CELF2: variants seen among roughly 807,000 people sequenced by gnomAD.
The protein encoded by CELF2 is CUGBP Elav-like family member 2.
A neutral mutation model predicts 62.6 loss-of-function variants in CELF2; 8 were observed. That is an observed-to-expected ratio of 0.13 (90% CI 0.07 to 0.23). The LOEUF (loss-of-function observed/expected upper bound fraction) is 0.23, where lower values mean the gene tolerates loss of function less well. CELF2 is among the 10% of genes least tolerant of loss of function. The pLI, the probability that CELF2 is intolerant of heterozygous loss-of-function variation, is 1.00. For synonymous variants in CELF2, 258 were observed against 250.0 expected (o/e 1.03, Z -0.30); for missense variants, 333 against 671.0 (o/e 0.50, Z 5.56).
At chr10:11,188,262 C>G (rs1003062920) in intron 2 of CELF2, among the ~76,000 whole-genome samples, 4 of 152,188 alleles carry the variant, frequency 2.6e-5, no homozygotes, top group Non-Finnish European at 4.4e-5. Context: ...TGTGCCACCA[C>G]ACCTGGCTAA....
the CELF2 span, among the ~76,000 whole-genome samples, chr10:10,517,257 G>T: frequency 6.6e-6 from 1 of 152,118 alleles, no homozygotes; most frequent in Non-Finnish European, 1.5e-5. Context: ...GGCTTCCCAG[G>T]CTGAGGGGGA....
rs1473676925 is a variant in CELF2, at chr10:11,220,728, T to A, written c.354+3221T>A. Among the ~76,000 whole-genome samples, 1 of 152,004 alleles carries A rather than the reference T, an allele frequency of 6.6e-6. No homozygotes were observed. Among genetic ancestry groups the A allele is most frequent in the Non-Finnish European group, 1.5e-5 (1 of 67,982 alleles). On this transcript the variant is annotated intron_variant, in intron 3 of 12. Transcript: ENST00000633077. This position sits in a 1 kb window ranked among gnomAD's most constrained non-coding sequence, Gnocchi z 4.4. Reference sequence around the variant, plus strand: ...CTCAACACAGAGCAAGGGATGAGAGTCTGGGAGTCCTTCCCTTGGTTTGAT... The same window carrying A: ...CTCAACACAGAGCAAGGGATGAGAGACTGGGAGTCCTTCCCTTGGTTTGAT...
the CELF2 span, among the ~76,000 whole-genome samples, chr10:10,708,742 A>G: frequency 6.6e-6 from 1 of 152,146 alleles, no homozygotes; most frequent in Non-Finnish European, 1.5e-5. Flanking sequence ...GTGAAGGACA[A>G]AGTCTACATA....
chr10:11,023,681 C>G (rs193255649), intron 1 of CELF2, among the ~76,000 whole-genome samples: 1 of 152,312 alleles, frequency 6.6e-6, no homozygotes, highest in East Asian at 1.9e-4. Context: ...CCCATTTGTT[C>G]TAAATCATGA....
At chr10:10,534,304 A>G in the CELF2 span, among the ~76,000 whole-genome samples, 2 of 152,128 alleles carry the variant, frequency 1.3e-5, no homozygotes, top group African/African-American at 4.8e-5. Context: ...AAAGAAGTTT[A>G]GGGTAAAAGG....
At chr10:11,083,565 C>T (rs77031466) in intron 1 of CELF2, among the ~76,000 whole-genome samples, 74 of 152,308 alleles carry the variant, frequency 4.9e-4, no homozygotes, top group Admixed American at 9.2e-4. Context: ...TAGGCTCCCT[C>T]TCTAGAACCT....
At chr10:10,792,795 C>CT in the CELF2 span, among the ~76,000 whole-genome samples, 16 of 152,262 alleles carry the variant, frequency 1.1e-4, no homozygotes, top group Middle Eastern at 6.8e-3. Flanking sequence ...AGTTAAAGCT[C>CT]TTTTTTCCCC....
At chr10:11,170,527 A>G (rs899707261) in intron 2 of CELF2, among the ~76,000 whole-genome samples, 1 of 152,054 alleles carries the variant, frequency 6.6e-6, no homozygotes, top group Non-Finnish European at 1.5e-5. Flanking sequence ...GTGAGGAAAG[A>G]TACAGAGTCA....
chr10:11,086,578 T>TAAAAAAAAAAAAGAAAAAAA (rs2046800032), intron 1 of CELF2, among the ~76,000 whole-genome samples: 2 of 71,984 alleles, frequency 2.8e-5, no homozygotes, highest in African/African-American at 1.1e-4. Flanking sequence ...TTGCATTTGT[T>TAAAAAAAAAAAAGAAAAAAA]AAAAAAAAAA....
chr10:10,543,221 C>T, the CELF2 span, among the ~76,000 whole-genome samples: 1 of 152,198 alleles, frequency 6.6e-6, no homozygotes, highest in Non-Finnish European at 1.5e-5. Flanking sequence ...TCTCATTCCT[C>T]ATCATGCCCC....
At chr10:10,738,887 T>C in the CELF2 span, among the ~76,000 whole-genome samples, 4 of 152,196 alleles carry the variant, frequency 2.6e-5, no homozygotes, top group East Asian at 7.7e-4. Flanking sequence ...TTAATAATAA[T>C]GTATCAACTT....
At chr10:11,216,775 A>G (rs2063470670) in intron 2 of CELF2, among the ~76,000 whole-genome samples, 1 of 152,224 alleles carries the variant, frequency 6.6e-6, no homozygotes, top group Non-Finnish European at 1.5e-5. Context: ...ACAGCCATAT[A>G]TGTAATGCAT....
At chr10:11,164,190 A>G (rs752971442) in intron 1 of CELF2, among the ~76,000 whole-genome samples, 3 of 152,206 alleles carry the variant, frequency 2.0e-5, no homozygotes, top group Non-Finnish European at 2.9e-5. Flanking sequence ...CAGTGCTGCA[A>G]ATGAGCTGCC....
chr10:10,621,461 C>A, the CELF2 span, among the ~76,000 whole-genome samples: 2 of 152,122 alleles, frequency 1.3e-5, no homozygotes, highest in Admixed American at 6.5e-5. Flanking sequence ...TAGGTCTCCA[C>A]CCACAGAAAG....
chr10:11,252,287 G>T (rs966036339), intron 4 of CELF2, among the ~76,000 whole-genome samples: 1 of 152,228 alleles, frequency 6.6e-6, no homozygotes, highest in Non-Finnish European at 1.5e-5. Flanking sequence ...CTTTGGCTCA[G>T]TTGCTCTAAA....
the CELF2 span, among the ~76,000 whole-genome samples, chr10:10,562,206 G>A: frequency 6.6e-6 from 1 of 152,088 alleles, no homozygotes; most frequent in Non-Finnish European, 1.5e-5. Context: ...CACACCCTCT[G>A]GCAACACTTT....
upstream of CELF2, among the ~76,000 whole-genome samples, chr10:11,002,364 G>A (rs1272778225): frequency 6.6e-6 from 1 of 152,092 alleles, no homozygotes; most frequent in African/African-American, 2.4e-5. This position sits in a 1 kb window ranked among gnomAD's most constrained non-coding sequence, Gnocchi z 4.4. Flanking sequence ...ATTTGGGTGG[G>A]GATACAGAGC....
At chr10:10,791,923 T>A in the CELF2 span, among the ~76,000 whole-genome samples, 1 of 150,228 alleles carries the variant, frequency 6.7e-6, no homozygotes, top group African/African-American at 2.5e-5. Flanking sequence ...TGGTCTACAA[T>A]GAATCAAAAA....
At chr10:11,050,166 A>G (rs958789021) in intron 1 of CELF2, among the ~76,000 whole-genome samples, 2 of 152,220 alleles carry the variant, frequency 1.3e-5, no homozygotes, top group Non-Finnish European at 2.9e-5. Context: ...TGGCACTGAG[A>G]AGAGTTAATG....
Sources: gnomAD v4.1 joint callset for allele counts (sites outside exome capture counted in the v4.1 genomes callset) on GRCh38, gnomAD v4.1.1 for gene constraint, Gnocchi (gnomAD v3.1) non-coding constraint, MANE v1.5 for transcripts, NCBI Gene and HGNC (gene_info 2026-07-23, HGNC 2026-07-21) for gene names.